TNRC6B: variants seen among roughly 807,000 people sequenced by gnomAD.
TNRC6B encodes trinucleotide repeat containing adaptor 6B.
Under a neutral mutation model 203.6 loss-of-function variants are expected in TNRC6B, and 52 were observed. The observed-to-expected ratio is 0.26, with a 90% CI of 0.20 to 0.32. TNRC6B has a LOEUF of 0.32. TNRC6B is among the 10% of genes least tolerant of loss of function. The probability of loss-of-function intolerance (pLI) is 1.00; values close to 1 mark genes in which losing one functional copy is unlikely to be tolerated. For missense variants in TNRC6B, 1,923 were observed against 2,286.2 expected (o/e 0.84, Z 3.24); for synonymous variants, 838 against 845.7 (o/e 0.99, Z 0.16).
upstream of TNRC6B, chr22:40,177,912 A>G (rs756494382): frequency 4.0e-5 from 54 of 1,340,554 alleles, no homozygotes; most frequent in Middle Eastern, 2.8e-4. Flanking sequence ...GGTCACAAAA[A>G]GCTGCTTCCT....
intron 12 of TNRC6B, among the ~76,000 whole-genome samples, chr22:40,286,475 C>T (rs1367481844): frequency 6.6e-6 from 1 of 151,952 alleles, no homozygotes; most frequent in Non-Finnish European, 1.5e-5. Flanking sequence ...CCACTGCACT[C>T]CAGCCTGGGT....
intron 12 of TNRC6B, among the ~76,000 whole-genome samples, chr22:40,299,071 G>T (rs1337208035): frequency 6.6e-6 from 1 of 151,402 alleles, no homozygotes; most frequent in Non-Finnish European, 1.5e-5. Flanking sequence ...AGACCAGCCG[G>T]GAGGTCAAGG....
At chr22:40,163,629 C>T (rs1050023832) in intron 4 of TNRC6B, among the ~76,000 whole-genome samples, 14 of 151,392 alleles carry the variant, frequency 9.2e-5, no homozygotes, top group East Asian at 2.0e-4. Flanking sequence ...GGTGTGGTGG[C>T]GCATGCCTGT....
In TNRC6B at chr22:40,186,701, G is replaced by A. The variant is rs1345799261; in HGVS notation, c.5+8561G>A. ...TGCAGTGAGCCGAGATCACGCCACTGAACTCCAGCCTGGGTGACAGAACAA... is the reference window on the plus strand; with the variant it reads ...TGCAGTGAGCCGAGATCACGCCACTAAACTCCAGCCTGGGTGACAGAACAA... On this transcript the variant is annotated intron_variant, in intron 1 of 22. Coordinates refer to ENST00000454349, the MANE Select transcript of TNRC6B (RefSeq NM_001162501.2). Among the ~76,000 whole-genome samples, 10 of 146,126 alleles carry A rather than the reference G, an allele frequency of 6.8e-5. No homozygotes were observed. In the East Asian group the frequency reaches 2.0e-3, roughly 29 times the overall value.
At chr22:40,075,932 G>A (rs1390151007) in intron 1 of TNRC6B, among the ~76,000 whole-genome samples, 2 of 151,886 alleles carry the variant, frequency 1.3e-5, no homozygotes, top group African/African-American at 4.8e-5. Context: ...ATTTTACTTC[G>A]ACATGTTAAA....
At chr22:40,238,795 A>G (rs1252521644) in intron 1 of TNRC6B, among the ~76,000 whole-genome samples, 1 of 152,234 alleles carries the variant, frequency 6.6e-6, no homozygotes, top group Non-Finnish European at 1.5e-5. Context: ...TATTTTATAC[A>G]TGCATCTTGT....
Position 40,147,420 on chromosome 22 carries a change from A to T in TNRC6B, c.46-8695A>T, listed in dbSNP as rs1292465141. ...AGTTTGTTTATGCTGCTATAACAAA[A>T]TACCACAGACTAGGTACTTTATAAA... On this transcript the variant is annotated intron_variant, in intron 3 of 23. Coordinates refer to the TNRC6B transcript ENST00000301923. 2.0e-5 allele frequency among the ~76,000 whole-genome samples: 3 copies of T among 152,224 alleles called. No individual in the cohort carries two copies. The East Asian group carries it at 5.8e-4, about 29-fold the overall frequency.
intron 1 of TNRC6B, among the ~76,000 whole-genome samples, chr22:40,190,841 T>G (rs1378499733): frequency 6.6e-6 from 1 of 152,228 alleles, no homozygotes; most frequent in Non-Finnish European, 1.5e-5. Flanking sequence ...AGACTTGAAT[T>G]GGAGCTTGGT....
rs149739444 is a variant in TNRC6B, at chr22:40,247,353, T to G, written c.93+1251T>G. 2.0e-5 allele frequency among the ~76,000 whole-genome samples: 3 copies of G among 152,256 alleles called. No individual in the cohort carries two copies. The East Asian group carries it at 5.8e-4, about 29-fold the overall frequency. On this transcript the variant is annotated intron_variant, in intron 2 of 22. Transcript: ENST00000454349. ...AGGAAACTCTAGATTTAGAAGACAG[T>G]CAAGGCAGTCACACACAAGCCAGTG...
chr22:40,169,067 C>T (rs540828863), intron 4 of TNRC6B, among the ~76,000 whole-genome samples: 3 of 151,366 alleles, frequency 2.0e-5, no homozygotes, highest in African/African-American at 7.3e-5. Context: ...ATAGTAGGTG[C>T]TGTGCAACAA....
intron 2 of TNRC6B, among the ~76,000 whole-genome samples, chr22:40,120,776 A>T (rs146515463): frequency 2.3e-4 from 35 of 152,346 alleles, no homozygotes; most frequent in African/African-American, 8.2e-4. Context: ...TATCATTCAT[A>T]AAGTTGCCAT....
intron 1 of TNRC6B, among the ~76,000 whole-genome samples, chr22:40,066,134 TG>T (rs1164225831): frequency 1.3e-5 from 2 of 152,114 alleles, no homozygotes; most frequent in Admixed American, 1.3e-4. Flanking sequence ...GAGTTCCCCC[TG>T]GGTTTCCCTC....
intron 1 of TNRC6B, among the ~76,000 whole-genome samples, chr22:40,223,306 A>G (rs1211232844): frequency 6.6e-6 from 1 of 151,986 alleles, no homozygotes; most frequent in Non-Finnish European, 1.5e-5. Flanking sequence ...ACACCTGGCT[A>G]ATTTTTGTAT....
At chr22:40,075,156 A>AT (rs58240994) in intron 1 of TNRC6B, among the ~76,000 whole-genome samples, 2,814 of 35,626 alleles carry the variant, frequency 0.079, 210 homozygotes, top group Non-Finnish European at 0.11. Flanking sequence ...ATATATATAT[A>AT]TTTTTTTTTT....
At chr22:40,205,792 C>A (rs1018833586) in intron 1 of TNRC6B, among the ~76,000 whole-genome samples, 10 of 152,110 alleles carry the variant, frequency 6.6e-5, no homozygotes, top group African/African-American at 2.4e-4. Flanking sequence ...TCCACAAGTG[C>A]AGTAAGTTTC....
intron 4 of TNRC6B, among the ~76,000 whole-genome samples, chr22:40,162,613 C>G (rs978433994): frequency 6.6e-6 from 1 of 152,140 alleles, no homozygotes; most frequent in Non-Finnish European, 1.5e-5. Flanking sequence ...TTGTTGTTAA[C>G]GTTTTAATTT....
chr22:40,056,955 A>G lies in TNRC6B; in HGVS notation c.-121+11957A>G, dbSNP rs191511928. ...TTCCTCCCATGGGCACAGGTAGACT[A>G]TATTCATTGGAAGTTCCTTGTAGTA... On this transcript the variant is annotated intron_variant, in intron 1 of 23. Transcript: ENST00000301923. Among the ~76,000 whole-genome samples, 10 of 152,312 alleles carry G rather than the reference A, an allele frequency of 6.6e-5. No individual in the cohort carries two copies. In the South Asian group the frequency reaches 8.3e-4, roughly 13 times the overall value.
At chr22:40,322,307 T>A (rs2071344433) in intron 22 of TNRC6B, among the ~76,000 whole-genome samples, 1 of 152,198 alleles carries the variant, frequency 6.6e-6, no homozygotes, top group African/African-American at 2.4e-5. Context: ...CCTCCACTAT[T>A]ATCAACATCC....
rs1213128270 is a variant in TNRC6B, at chr22:40,266,016, A to C, written c.1786A>C (p.Thr596Pro). Residue 596 changes from threonine (T) to proline (P), a missense_variant, in exon 5 of 23, where the codon ACA becomes CCA. This residue lies in a region of TNRC6B where 614 missense variants were observed against 587.7 expected (regional missense o/e 1.04). Coordinates refer to ENST00000454349, the MANE Select transcript of TNRC6B (RefSeq NM_001162501.2). ...CTCTGGCCGTCGGTCGTACAGGCCC[A>C]CACATCCTGATTGTCAGGCTGTCTT... is the stretch of plus-strand genomic sequence containing the variant. ...HNSGRRSYRP[T>P]HPDCQAVLQT... is the part of the protein sequence containing the mutation. 11 of 1,613,702 alleles carry C rather than the reference A, an allele frequency of 6.8e-6. No individual in the cohort carries two copies. The highest frequency in any genetic ancestry group is 9.3e-6 in the Non-Finnish European group (11 of 1,179,912).
Sources: gnomAD v4.1 joint callset for allele counts (sites outside exome capture counted in the v4.1 genomes callset) on GRCh38, gnomAD v4.1.1 for gene constraint, gnomAD v4.1.1 regional missense constraint, MANE v1.5 for transcripts, NCBI Gene and HGNC (gene_info 2026-07-23, HGNC 2026-07-21) for gene names.